PCF11: variants seen among roughly 807,000 people sequenced by gnomAD.
PCF11 encodes the protein PCF11 cleavage and polyadenylation factor subunit, also known as pre-mRNA cleavage complex 2 protein Pcf11.
Under a neutral mutation model 166.1 loss-of-function variants are expected in PCF11, and 19 were observed. The ratio of observed to expected loss-of-function variants is 0.11; its 90% CI spans 0.08 to 0.17. The LOEUF (loss-of-function observed/expected upper bound fraction) is 0.17. Ranked by LOEUF, PCF11 falls within the 10% of genes least tolerant of loss-of-function variation. PCF11 has a pLI of 1.00. For synonymous variants in PCF11, 663 were observed against 644.1 expected, an observed-to-expected ratio of 1.03 and a Z score of -0.44; for missense variants, 1,565 against 1,855.5, an observed-to-expected ratio of 0.84 and a Z score of 2.88.
At chr11:83,166,529 T>C (rs371279238) in exon 5 of PCF11, 28 of 1,613,772 alleles carry the variant, frequency 1.7e-5, no homozygotes, top group African/African-American at 5.3e-5. Flanking sequence ...ACAGAAATGC[T>C]AAGAGAAGTA....
chr11:83,162,757 T>C (rs2135418257), intron 2 of PCF11, among the ~76,000 whole-genome samples: 1 of 152,358 alleles, frequency 6.6e-6, no homozygotes, highest in Middle Eastern at 3.4e-3. Context: ...GGTTTCTTGA[T>C]GGCGAATTTT....
chr11:83,165,983 TAAATCG>T (rs758555602), exon 5 of PCF11: 452 of 1,598,116 alleles, frequency 2.8e-4, no homozygotes, highest in African/African-American at 3.9e-4. Flanking sequence ...AATTAGATTC[TAAATCG>T]AAATCGAAAT....
At chr11:83,170,964 A>G (rs1020017367) in intron 8 of PCF11, among the ~76,000 whole-genome samples, 2 of 152,228 alleles carry the variant, frequency 1.3e-5, no homozygotes, top group Admixed American at 1.3e-4. Flanking sequence ...TCTTATTGAC[A>G]GATACTCTAG....
chr11:83,160,186 A>G (rs994083202), intron 1 of PCF11, among the ~76,000 whole-genome samples: 2 of 152,082 alleles, frequency 1.3e-5, no homozygotes, highest in African/African-American at 2.4e-5. Context: ...TGTATGGGCA[A>G]TTGGTTTTAT....
intron 9 of PCF11, among the ~76,000 whole-genome samples, chr11:83,174,517 C>T (rs1318323223): frequency 3.3e-5 from 5 of 151,862 alleles, no homozygotes; most frequent in African/African-American, 9.7e-5. Flanking sequence ...CCACACTCGG[C>T]CTCAAAGAGC....
chr11:83,166,610 T>G, exon 5 of PCF11: 2 of 1,613,714 alleles, frequency 1.2e-6, no homozygotes, highest in Non-Finnish European at 1.7e-6. Context: ...AAACTACAAA[T>G]CAGCATTCTA....
At chr11:83,169,951 A>T in exon 8 of PCF11, 1 of 1,605,422 alleles carries the variant, frequency 6.2e-7, no homozygotes, top group East Asian at 2.2e-5. Context: ...CTTTGGCAAT[A>T]TACCTGCTCC....
At chr11:83,187,212 C>T (rs1407472280) in exon 16 of PCF11, 1 of 152,210 alleles carries the variant, frequency 6.6e-6, no homozygotes, top group Non-Finnish European at 1.5e-5. Context: ...TGCCCGCCAC[C>T]ACGCCTGGCT....
chr11:83,173,848 A>T (rs1308241367), intron 9 of PCF11, among the ~76,000 whole-genome samples: 1 of 147,920 alleles, frequency 6.8e-6, no homozygotes, highest in African/African-American at 2.5e-5. Context: ...TCCCGGGCTC[A>T]GCCTCCCCAG....
chr11:83,181,676 CTTAA>C (rs1296762754), intron 12 of PCF11, among the ~76,000 whole-genome samples, 174 bp from the exon 13 acceptor site: 6 of 151,088 alleles, frequency 4.0e-5, no homozygotes, highest in East Asian at 1.9e-4. Context: ...TGGAAAAGAT[CTTAA>C]TTATTAGTTT....
intron 9 of PCF11, 150 bp downstream of exon 9, chr11:83,172,064 T>C: frequency 1.6e-6 from 1 of 607,678 alleles, no homozygotes; most frequent in East Asian, 2.8e-5. Context: ...TTGTTCCTTT[T>C]CTAAGTTTAT....
chr11:83,176,709 G>A (rs1466661282), intron 9 of PCF11, among the ~76,000 whole-genome samples: 1 of 151,770 alleles, frequency 6.6e-6, no homozygotes, highest in Non-Finnish European at 1.5e-5. Context: ...CTGGGGGAGG[G>A]ATAGCATTAG....
intron 8 of PCF11, 150 bp from the exon 9 acceptor site, chr11:83,171,668 A>C: frequency 1.5e-6 from 1 of 646,182 alleles, no homozygotes; most frequent in Non-Finnish European, 2.7e-6. Flanking sequence ...AAGACCTAGA[A>C]GTGAAGTGAT....
intron 1 of PCF11, 180 bp downstream of exon 1, chr11:83,157,811 G>GC: frequency 1.6e-6 from 1 of 616,358 alleles, no homozygotes; most frequent in Non-Finnish European, 2.9e-6. Context: ...CTCTGGGGGG[G>GC]AGGGAGTGGG....
At chr11:83,164,740 G>A (rs983419113) in intron 4 of PCF11, among the ~76,000 whole-genome samples, 2 of 151,956 alleles carry the variant, frequency 1.3e-5, no homozygotes, top group African/African-American at 4.8e-5. Flanking sequence ...AGCCAGGTGG[G>A]GTAGTGCATC....
At chr11:83,169,927 T>A in exon 8 of PCF11, 1 of 1,609,118 alleles carries the variant, frequency 6.2e-7, no homozygotes, top group Non-Finnish European at 8.5e-7. Flanking sequence ...TCTTCAGAGT[T>A]CTCAATTTGG....
chr11:83,168,822 G>T (rs1860568460), exon 8 of PCF11: 7 of 1,613,810 alleles, frequency 4.3e-6, no homozygotes, highest in Non-Finnish European at 5.9e-6. Context: ...GACCAGTGGG[G>T]ACACCTCTGC....
rs373325620 is a variant in PCF11, at chr11:83,166,525, A to G, written c.1628A>G (p.Asn543Ser). 14 of 1,613,850 alleles carry G rather than the reference A, an allele frequency of 8.7e-6. No individual in the cohort carries two copies. In the African/African-American group the frequency reaches 1.2e-4, roughly 14 times the overall value. Residue 543 changes from asparagine (N) to serine (S), a missense_variant, in exon 5 of 16, where the codon AAT becomes AGT. Around this residue, in one of 12 missense-constraint regions of PCF11, gnomAD observed 468 missense variants for 483.4 expected, o/e 0.97. Transcript: ENST00000298281. ...ACACCACCTTCTAGGGAAGACAGAA[A>G]TGCTAAGAGAAGTACTAAACAGGAT...
At chr11:83,157,557 C>T in exon 1 of PCF11, 3 of 1,614,014 alleles carry the variant, frequency 1.9e-6, no homozygotes, top group Non-Finnish European at 2.5e-6. Flanking sequence ...CATCAATATG[C>T]TGACCATTCT....
Sources: allele counts gnomAD v4.1 joint callset (sites outside exome capture counted in the v4.1 genomes callset), GRCh38; gene constraint gnomAD v4.1.1; regional missense constraint gnomAD v4.1.1; transcripts MANE v1.5; gene names NCBI Gene and HGNC (gene_info 2026-07-23, HGNC 2026-07-21).